Variants in NCOA6 observed in about 807,000 individuals in gnomAD.
NCOA6 encodes the protein NRC RAP250.
Under a neutral mutation model 171.4 loss-of-function variants are expected in NCOA6, and 49 were observed. The observed-to-expected ratio is 0.29, with a 90% CI of 0.23 to 0.36. The LOEUF is 0.36. Ranked by LOEUF, NCOA6 falls within the 10% of genes least tolerant of loss-of-function variation. The pLI is 1.00. For missense variants in NCOA6, 2,248 were observed against 2,554.5 expected (o/e 0.88, Z 2.59); for synonymous variants, 910 against 927.5 (o/e 0.98, Z 0.34).
intron 14 of NCOA6, among the ~76,000 whole-genome samples, chr20:34,718,328 C>T (rs1379717161): frequency 6.6e-6 from 1 of 152,124 alleles, no homozygotes; most frequent in Non-Finnish European, 1.5e-5. Context: ...TCACCTCCAA[C>T]AGTGAGGTCC....
chr20:34,815,364 G>A (rs545308162), intron 1 of NCOA6, among the ~76,000 whole-genome samples: 3 of 152,036 alleles, frequency 2.0e-5, no homozygotes, highest in African/African-American at 4.8e-5. Context: ...GTGACAAAGC[G>A]AGACTCTATT....
chr20:34,808,515 T>G (rs2078539466), intron 1 of NCOA6, among the ~76,000 whole-genome samples: 2 of 149,948 alleles, frequency 1.3e-5, no homozygotes. Context: ...CTTGGCTCAC[T>G]GCAACCTCTG....
intron 2 of NCOA6, among the ~76,000 whole-genome samples, chr20:34,786,670 A>C (rs1219840834): frequency 6.6e-6 from 1 of 152,158 alleles, no homozygotes; most frequent in Non-Finnish European, 1.5e-5. Context: ...TGAACTTCTT[A>C]ATCTTGAGTT....
intron 4 of NCOA6, among the ~76,000 whole-genome samples, chr20:34,774,781 T>C (rs1309341386): frequency 6.6e-6 from 1 of 152,178 alleles, no homozygotes; most frequent in Non-Finnish European, 1.5e-5. Flanking sequence ...TTTGTCTTCC[T>C]TACTAAAGTC....
In NCOA6 at chr20:34,819,338, T is replaced by G. The variant is rs140762429; in HGVS notation, c.-164+6134A>C. Reference sequence around the variant, plus strand: ...AGCTGGTTACCGCTATAAATGAATATGGGCTTGCTGTTGACAGATCTTCCA... The same window carrying G: ...AGCTGGTTACCGCTATAAATGAATAGGGGCTTGCTGTTGACAGATCTTCCA... On this transcript the variant is annotated intron_variant, in intron 1 of 14. Coordinates refer to ENST00000359003, the MANE Select transcript of NCOA6 (RefSeq NM_014071.5). The G allele has an allele frequency of 1.9e-4, 29 of 152,346 alleles. No homozygotes were observed. In the East Asian group the frequency reaches 5.6e-3, roughly 29 times the overall value. 9.4% of individuals were successfully genotyped at this position (152,346 alleles called of 1,614,324 possible).
At position 34,727,281 on chromosome 20, in the gene NCOA6, A is replaced by C. The variant is rs770717608; in HGVS notation, c.6126T>G (p.Ala2042=). The change falls in exon 14 of 15, where the codon GCT becomes GCG. Residue 2042 remains alanine, a synonymous_variant. Transcript: ENST00000359003. Reference sequence around the variant, plus strand: ...AACCTTTAGTAGAGCTGGAGGCTGAAGCAGGTCGAGAAGATCGTTTACGAT... The same window carrying C: ...AACCTTTAGTAGAGCTGGAGGCTGACGCAGGTCGAGAAGATCGTTTACGAT... ...NGHRKRSSRP[A]SASSSTKDIT... is the part of the protein sequence containing the mutation. The C allele has an allele frequency of 1.9e-6, 3 of 1,614,206 alleles. No homozygotes were observed. The highest frequency in any genetic ancestry group is 1.7e-6 in the Non-Finnish European group (2 of 1,180,022).
chr20:34,756,811 A>T (rs1434053153), intron 7 of NCOA6, among the ~76,000 whole-genome samples: 5 of 152,226 alleles, frequency 3.3e-5, no homozygotes, highest in Non-Finnish European at 7.3e-5. Context: ...ATTGATAACT[A>T]AAAGGGCCTT....
At position 34,791,546 on chromosome 20, in the gene NCOA6, G is replaced by A. The variant is rs558586852; in HGVS notation, c.-50+904C>T. Among the ~76,000 whole-genome samples the A allele has an allele frequency of 3.3e-5, 5 of 152,182 alleles. No individual in the cohort carries two copies. The South Asian group carries it at 6.2e-4, about 19-fold the overall frequency. The stretch of plus-strand genomic sequence containing the variant: ...CACTGCTCACCCTGGCAGAAATGAC[G>A]GCCTTCTGCTCCTGGCACAAAGCTC... On this transcript the variant is annotated intron_variant, in intron 2 of 14. Transcript: ENST00000359003.
At position 34,742,298 on chromosome 20, in the gene NCOA6, C is replaced by T. The variant is rs751747326; in HGVS notation, c.3958G>A (p.Ala1320Thr). ...TTGCTTGGACTTGCCCGTTTTGTTG[C>T]TCCAGAATTAGACTGCTTTCCAGAA... ...VNSGKQSNSG[A>T]TKRASPSNSR... is the part of the protein sequence containing the mutation. Residue 1320 changes from alanine (A) to threonine (T), a missense_variant, in exon 11 of 15, where the codon GCA (alanine) becomes ACA (threonine). Ala to Thr is a moderately conservative substitution (Grantham distance 58, BLOSUM62 0). Around this residue, in one of 7 missense-constraint regions of NCOA6, gnomAD observed 884 missense variants for 941.9 expected, o/e 0.94. Transcript: ENST00000359003. The T allele has an allele frequency of 6.2e-7, 1 of 1,614,210 alleles. No homozygotes were observed. The highest frequency in any genetic ancestry group is 8.5e-7 in the Non-Finnish European group (1 of 1,180,036).
Position 34,752,550 on chromosome 20 carries a change from C to T in NCOA6, c.1676-2031G>A, listed in dbSNP as rs968671054. 5.6e-4 allele frequency among the ~76,000 whole-genome samples: 85 copies of T among 152,048 alleles called. 1 individual carries two copies. Among genetic ancestry groups the T allele is most frequent in the African/African-American group, 2.0e-3 (82 of 41,386 alleles). On this transcript the variant is annotated intron_variant, in intron 8 of 14. Coordinates refer to ENST00000359003, the MANE Select transcript of NCOA6 (RefSeq NM_014071.5). The stretch of plus-strand genomic sequence containing the variant: ...GTATTTTTTCAGGAAGCAGTAAAAG[C>T]TAACAAGAGAAAGTAGGGTGAGAGA...
intron 14 of NCOA6, among the ~76,000 whole-genome samples, chr20:34,723,464 C>T (rs987552345): frequency 1.3e-4 from 20 of 152,194 alleles, no homozygotes; most frequent in African/African-American, 4.8e-4. Flanking sequence ...GGCCTGAGGT[C>T]TTGCGACTGA....
rs996569959 is a variant in NCOA6 at position 34,757,087 on chromosome 20, T to C, written c.1528+133A>G. ...CAAGTTAACTTTAAGTTATATCAAG[T>C]GTCACCACCATATCCACAAAACCAA... On this transcript the variant is annotated intron_variant, in intron 7 of 14. Coordinates refer to ENST00000359003, the MANE Select transcript of NCOA6 (RefSeq NM_014071.5). 4.4e-6 allele frequency: 4 copies of C among 909,466 alleles called. No homozygotes were observed. In the African/African-American group the frequency reaches 5.0e-5, roughly 11 times the overall value. 56.3% of individuals were successfully genotyped at this position (909,466 alleles called of 1,614,324 possible). A position where few individuals can be genotyped will look rare whatever the true frequency, so the allele number is the denominator to read the frequency against.
At chr20:34,804,092 T>C (rs2078356944) in intron 1 of NCOA6, among the ~76,000 whole-genome samples, 1 of 151,838 alleles carries the variant, frequency 6.6e-6, no homozygotes, top group Non-Finnish European at 1.5e-5. Context: ...ATCCCAGCAC[T>C]TTGGGAGGCT....
chr20:34,769,182 C>A (rs944083563), intron 4 of NCOA6, among the ~76,000 whole-genome samples: 2 of 151,990 alleles, frequency 1.3e-5, no homozygotes, highest in African/African-American at 4.8e-5. Context: ...ATGACAGGAC[C>A]AATACTTTTA....
At chr20:34,813,701 G>T (rs2078746098) in intron 1 of NCOA6, among the ~76,000 whole-genome samples, 1 of 151,940 alleles carries the variant, frequency 6.6e-6, no homozygotes, top group Non-Finnish European at 1.5e-5. Flanking sequence ...ATGACAACAT[G>T]TTGAATATAG....
chr20:34,768,797 A>C (rs531722636), intron 4 of NCOA6, among the ~76,000 whole-genome samples: 37 of 152,294 alleles, frequency 2.4e-4, no homozygotes, highest in Non-Finnish European at 4.4e-4. Context: ...ACCAATTCTT[A>C]CTTGTAATAG....
At chr20:34,782,037 T>C (rs1365874044) in intron 3 of NCOA6, 84 bp downstream of exon 3, 4 of 978,840 alleles carry the variant, frequency 4.1e-6, no homozygotes, top group Non-Finnish European at 3.0e-6. Flanking sequence ...TTAACAAGCT[T>C]GTTTTGTAAA....
chr20:34,797,659 G>A (rs1214052544), intron 1 of NCOA6, among the ~76,000 whole-genome samples: 1 of 151,928 alleles, frequency 6.6e-6, no homozygotes, highest in Non-Finnish European at 1.5e-5. Flanking sequence ...AGGCCGAGGT[G>A]GGTAGATCAC....
At chr20:34,769,428 A>AGATAATGCACATGTAGTGGAGT (rs2077075495) in intron 4 of NCOA6, among the ~76,000 whole-genome samples, 3 of 149,862 alleles carry the variant, frequency 2.0e-5, no homozygotes, top group Admixed American at 6.7e-5. Context: ...CAGTGGTGTG[A>AGATAATGCACATGTAGTGGAGT]TCTTGGCTCA....
Sources: allele counts gnomAD v4.1 joint callset (sites outside exome capture counted in the v4.1 genomes callset), GRCh38; gene constraint gnomAD v4.1.1; regional missense constraint gnomAD v4.1.1; transcripts MANE v1.5; gene names NCBI Gene and HGNC (gene_info 2026-07-23, HGNC 2026-07-21).